PPP2R3A: variants seen among roughly 807,000 people sequenced by gnomAD.
The protein encoded by PPP2R3A is serine/threonine-protein phosphatase 2A regulatory subunit B'' subunit alpha.
PPP2R3A carries 80 observed loss-of-function variants against 106.9 expected under a neutral mutation model. That is an observed-to-expected ratio of 0.75 (90% CI 0.62 to 0.90). The LOEUF (loss-of-function observed/expected upper bound fraction) is 0.90, where lower values mean the gene tolerates loss of function less well. Among genes scored for constraint, PPP2R3A ranks in the 40% least tolerant of loss-of-function variants. PPP2R3A has a pLI of 0.00. For missense variants in PPP2R3A, 1,386 were observed against 1,350.4 expected, an observed-to-expected ratio of 1.03 and a Z score of -0.41; for synonymous variants, 483 against 468.3, an observed-to-expected ratio of 1.03 and a Z score of -0.41.
At chr3:136,092,742 A>G (rs753160441) in intron 10 of PPP2R3A, among the ~76,000 whole-genome samples, 5 of 152,246 alleles carry the variant, frequency 3.3e-5, no homozygotes, top group South Asian at 2.1e-4. Flanking sequence ...TTGATTTGCA[A>G]CAAGGATGCT....
chr3:136,035,644 A>T (rs1935060295), intron 3 of PPP2R3A, among the ~76,000 whole-genome samples: 2 of 152,194 alleles, frequency 1.3e-5, no homozygotes, highest in Non-Finnish European at 2.9e-5. Context: ...CTTTGGTGTC[A>T]CCACTCTTAA....
chr3:136,055,237 CAAGCTGCGTAAAAAGAAACATG>C, intron 5 of PPP2R3A: 1 of 801,932 alleles, frequency 1.2e-6, no homozygotes, highest in Non-Finnish European at 2.1e-6. Context: ...TACTTTCTAT[CAAGCTGCGTAAAAAGAAACATG>C]AAGTACAAAT....
At chr3:136,072,389 C>G (rs937293673) in intron 6 of PPP2R3A, among the ~76,000 whole-genome samples, 1 of 152,166 alleles carries the variant, frequency 6.6e-6, no homozygotes, top group Non-Finnish European at 1.5e-5. Flanking sequence ...GCGAGACATT[C>G]AAGACCAGCT....
chr3:136,012,909 T>C (rs540169621), intron 2 of PPP2R3A, among the ~76,000 whole-genome samples: 2 of 152,268 alleles, frequency 1.3e-5, no homozygotes, highest in East Asian at 3.9e-4. Context: ...GAGAAGTGTA[T>C]ACTGTGCCTA....
intron 1 of PPP2R3A, among the ~76,000 whole-genome samples, chr3:135,982,606 C>G (rs1330295170): frequency 6.6e-6 from 1 of 152,106 alleles, no homozygotes; most frequent in African/African-American, 2.4e-5. Context: ...GCAGATGAGT[C>G]TATTTATTCT....
At chr3:136,144,998 TTTAA>T (rs1939054114) in intron 13 of PPP2R3A, 41 bp from the exon 14 acceptor site, 1 of 1,588,380 alleles carries the variant, frequency 6.3e-7, no homozygotes, top group Non-Finnish European at 8.6e-7. Flanking sequence ...CTACCCAAAC[TTTAA>T]TCAATCAATC....
intron 12 of PPP2R3A, among the ~76,000 whole-genome samples, chr3:136,104,388 C>T (rs1218019351): frequency 4.0e-5 from 6 of 151,352 alleles, no homozygotes; most frequent in Admixed American, 4.0e-4. Flanking sequence ...CTCACCGCAA[C>T]CTCCGCCTCC....
chr3:135,975,501 C>G (rs1937393946), intron 1 of PPP2R3A, among the ~76,000 whole-genome samples: 1 of 152,164 alleles, frequency 6.6e-6, no homozygotes, highest in African/African-American at 2.4e-5. Flanking sequence ...TATATAAATA[C>G]AGTCTCTTTG....
chr3:136,074,747 A>G (rs925625670), intron 6 of PPP2R3A, among the ~76,000 whole-genome samples: 2 of 152,158 alleles, frequency 1.3e-5, no homozygotes, highest in African/African-American at 4.8e-5. Flanking sequence ...AAATGCCAGG[A>G]TTTTCCTTGT....
intron 1 of PPP2R3A, among the ~76,000 whole-genome samples, chr3:135,999,577 A>G (rs1201479494): frequency 6.6e-6 from 1 of 151,868 alleles, no homozygotes; most frequent in Non-Finnish European, 1.5e-5. Flanking sequence ...AACTCAAATG[A>G]TTTTAGACTG....
At position 136,082,404 on chromosome 3, in the gene PPP2R3A, C is replaced by T; in HGVS notation, c.2771C>T (p.Ser924Phe). Residue 924 changes from serine to phenylalanine, a missense_variant, in exon 8 of 14, where the codon TCT becomes TTT. Ser to Phe is a radical substitution (Grantham distance 155, BLOSUM62 -2). Transcript: ENST00000264977. ...CTCTACATCAGCCAGGCCGATCTGT[C>T]TCGATACAATGACCAGGGTAAGTGA... ...HDLYISQADL[S>F]RYNDQASSSR... 1 of 1,613,776 alleles carries T rather than the reference C, an allele frequency of 6.2e-7. No individual in the cohort carries two copies. Among genetic ancestry groups the T allele is most frequent in the Non-Finnish European group, 8.5e-7 (1 of 1,179,744 alleles).
chr3:136,086,965 G>T (rs529409611), intron 8 of PPP2R3A, among the ~76,000 whole-genome samples: 74 of 152,274 alleles, frequency 4.9e-4, no homozygotes, highest in Non-Finnish European at 3.1e-4. Flanking sequence ...ACTTTGGGAG[G>T]CTGAGGTGGG....
chr3:136,109,216 T>C (rs555739579), intron 13 of PPP2R3A, among the ~76,000 whole-genome samples: 75 of 152,252 alleles, frequency 4.9e-4, no homozygotes, highest in Non-Finnish European at 3.2e-4. Flanking sequence ...AGCTGATAAG[T>C]TGGGGTTTAA....
intron 13 of PPP2R3A, among the ~76,000 whole-genome samples, chr3:136,122,020 A>C (rs887973661): frequency 6.6e-6 from 1 of 152,198 alleles, no homozygotes; most frequent in African/African-American, 2.4e-5. Context: ...TTAAAAAATC[A>C]AAAAAATACA....
chr3:136,058,202 A>C (rs568449127), intron 5 of PPP2R3A, among the ~76,000 whole-genome samples: 54 of 152,284 alleles, frequency 3.5e-4, no homozygotes, highest in African/African-American at 1.3e-3. Context: ...CAAGAGAAAG[A>C]AATAAAGGGC....
At chr3:136,093,548 T>C (rs1216011683) in intron 10 of PPP2R3A, among the ~76,000 whole-genome samples, 2 of 152,118 alleles carry the variant, frequency 1.3e-5, no homozygotes, top group East Asian at 3.8e-4. Context: ...TAAACAACAC[T>C]TACAACTCAA....
intron 5 of PPP2R3A, among the ~76,000 whole-genome samples, chr3:136,062,640 C>G (rs1240987453): frequency 6.6e-6 from 1 of 151,032 alleles, no homozygotes; most frequent in Non-Finnish European, 1.5e-5. Flanking sequence ...ATGGCGTGAA[C>G]CTGGGAGGCG....
chr3:136,023,525 A>G (rs1523594), intron 2 of PPP2R3A, among the ~76,000 whole-genome samples: 148,291 of 152,214 alleles, frequency 0.97, 72,261 homozygotes, highest in East Asian at 1. Context: ...GAAAATTACC[A>G]GAATTTTTCA....
At chr3:136,086,460 C>T (rs536984459) in intron 8 of PPP2R3A, among the ~76,000 whole-genome samples, 39 of 152,190 alleles carry the variant, frequency 2.6e-4, no homozygotes, top group Admixed American at 2.6e-4. Context: ...CCAGCCTGGG[C>T]GACAGAGCGA....
Sources: allele counts gnomAD v4.1 joint callset (sites outside exome capture counted in the v4.1 genomes callset), GRCh38; gene constraint gnomAD v4.1.1; transcripts MANE v1.5; gene names NCBI Gene and HGNC (gene_info 2026-07-23, HGNC 2026-07-21).